The following BCL2L14 variants were observed in gnomAD, a reference collection of about 807,000 sequenced individuals.
BCL2L14 encodes the protein BCL2 like 14.
A neutral mutation model predicts 35.3 loss-of-function variants in BCL2L14; 27 were observed. The observed-to-expected ratio is 0.76, with a 90% CI of 0.56 to 1.05. The LOEUF (loss-of-function observed/expected upper bound fraction) is 1.05, where lower values mean the gene tolerates loss of function less well. Among genes scored for constraint, BCL2L14 ranks in the 50% least tolerant of loss-of-function variants. The probability of loss-of-function intolerance (pLI) is 0.00; values close to 1 mark genes in which losing one functional copy is unlikely to be tolerated. For synonymous variants in BCL2L14, 139 were observed against 145.9 expected, an observed-to-expected ratio of 0.95 and a Z score of 0.34; for missense variants, 377 against 382.6, an observed-to-expected ratio of 0.99 and a Z score of 0.12.
At chr12:12,062,525 A>C (rs926372330) in intron 2 of BCL2L14, among the ~76,000 whole-genome samples, 1 of 151,548 alleles carries the variant, frequency 6.6e-6, no homozygotes, top group African/African-American at 2.4e-5. Flanking sequence ...CTGCTATTCT[A>C]CTACTCCTCA....
chr12:12,068,288 T>A, upstream of BCL2L14: 1 of 397,704 alleles, frequency 2.5e-6, no homozygotes, highest in Non-Finnish European at 4.4e-6. Flanking sequence ...CAAACATTGT[T>A]TAGTTATGTA....
At chr12:12,062,021 A>T (rs1411577812) in intron 2 of BCL2L14, among the ~76,000 whole-genome samples, 1 of 152,094 alleles carries the variant, frequency 6.6e-6, no homozygotes, top group Non-Finnish European at 1.5e-5. Context: ...CCTAGCCCTC[A>T]TGTCTCCGTG....
At chr12:12,061,380 A>G (rs2448043) in intron 2 of BCL2L14, among the ~76,000 whole-genome samples, 148,268 of 151,192 alleles carry the variant, frequency 0.98, 72,772 homozygotes, top group Non-Finnish European at 1. Flanking sequence ...CCAAGATCCC[A>G]TCCCACAGCA....
At chr12:12,095,260 C>T (rs915178457) in intron 5 of BCL2L14, 37 of 985,192 alleles carry the variant, frequency 3.8e-5, no homozygotes, top group African/African-American at 7.0e-5. Flanking sequence ...TTGCAGGCAA[C>T]GGAAGTCTGG....
intron 2 of BCL2L14, among the ~76,000 whole-genome samples, chr12:12,084,672 C>A (rs1271529478): frequency 6.6e-6 from 1 of 152,066 alleles, no homozygotes; most frequent in Non-Finnish European, 1.5e-5. Flanking sequence ...ATAATCTTTT[C>A]TTTTTCATGT....
intron 2 of BCL2L14, among the ~76,000 whole-genome samples, chr12:12,086,593 T>A (rs1473769631): frequency 6.6e-6 from 1 of 152,274 alleles, no homozygotes; most frequent in Non-Finnish European, 1.5e-5. Context: ...CCGTAAGTTG[T>A]GCTGACTGCA....
chr12:12,094,588 T>C (rs4763779), intron 4 of BCL2L14, 76 bp from the exon 5 acceptor site: 1 of 1,614,122 alleles, frequency 6.2e-7, no homozygotes, highest in Non-Finnish European at 8.5e-7. Context: ...TGGCCTGCAT[T>C]TGAGCTAAAG....
chr12:12,056,519 C>T (rs995004802), intron 2 of BCL2L14, among the ~76,000 whole-genome samples: 9 of 152,164 alleles, frequency 5.9e-5, no homozygotes, highest in Non-Finnish European at 1.2e-4. Flanking sequence ...CTGTAAATAA[C>T]TGAGCCATTG....
intron 1 of BCL2L14, among the ~76,000 whole-genome samples, chr12:12,075,717 C>G (rs138805036): frequency 0.016 from 2,503 of 152,196 alleles, 36 homozygotes; most frequent in African/African-American, 0.022. Context: ...GAGCCATCGT[C>G]CCCTGCCGGA....
chr12:12,074,559 C>T (rs1286842847), intron 1 of BCL2L14, among the ~76,000 whole-genome samples: 4 of 103,694 alleles, frequency 3.9e-5, no homozygotes, highest in Non-Finnish European at 8.8e-5. Context: ...CAGCCTCAGC[C>T]TCCCAAGTAG....
intron 2 of BCL2L14, among the ~76,000 whole-genome samples, chr12:12,060,882 GT>G: frequency 1.2e-5 from 1 of 83,426 alleles, no homozygotes; most frequent in East Asian, 4.7e-4. Context: ...AGCTTCGGAA[GT>G]CCCGTAGACC....
At chr12:12,063,400 G>C (rs2618365) in intron 2 of BCL2L14, among the ~76,000 whole-genome samples, 1 of 147,010 alleles carries the variant, frequency 6.8e-6, no homozygotes, top group East Asian at 2.0e-4. Flanking sequence ...TTCTTATTCC[G>C]TTTAGTTTTT....
intron 2 of BCL2L14, among the ~76,000 whole-genome samples, chr12:12,052,881 T>C (rs1049547226): frequency 1.3e-5 from 2 of 152,234 alleles, no homozygotes; most frequent in Admixed American, 1.3e-4. Flanking sequence ...CATTCCAACT[T>C]AGGCCAAAGC....
At chr12:12,066,142 T>A (rs945168453), upstream of BCL2L14, among the ~76,000 whole-genome samples, 2 of 152,164 alleles carry the variant, frequency 1.3e-5, no homozygotes, top group Non-Finnish European at 2.9e-5. Flanking sequence ...CTCAAAATGA[T>A]CTTAAGGTTA....
At chr12:12,083,112 C>T (rs1948963940) in intron 2 of BCL2L14, among the ~76,000 whole-genome samples, 1 of 152,056 alleles carries the variant, frequency 6.6e-6, no homozygotes, top group South Asian at 2.1e-4. Flanking sequence ...CTACGGGCGC[C>T]CACCACCACG....
In BCL2L14 at chr12:12,079,620, G is replaced by A. The variant is rs138260830; in HGVS notation, c.315G>A (p.Ser105=). The change falls in exon 2 of 6, where the codon TCG becomes TCA. Residue 105 remains serine (S), a synonymous_variant. Coordinates refer to ENST00000308721, the MANE Select transcript of BCL2L14 (RefSeq NM_138723.2). ...TTGGAGTAGTGGAGAAGGAAGATTC[G>A]CAGAGCACGCCTGCCAAGGTCTCTG... is the stretch of plus-strand genomic sequence containing the variant. ...AFFGVVEKED[S]QSTPAKVSAQ... The A allele has an allele frequency of 1.1e-4, 175 of 1,614,184 alleles. No individual in the cohort carries two copies. The African/African-American group carries it at 1.5e-3, about 14-fold the overall frequency.
Position 12,087,285 on chromosome 12 carries a change from C to A in BCL2L14, c.506C>A (p.Ala169Glu). ...EIVYSWPPPQ[A>E]TQAGGFKSKE... ...GTTTACTCCTGGCCACCACCACAAG[C>A]GACCCAGGCAGGAGGCTTCAAGTCC... The change falls in exon 3 of 6, where the codon GCG becomes GAG. Residue 169 changes from alanine to glutamate, a missense_variant. Coordinates refer to ENST00000308721, the MANE Select transcript of BCL2L14 (RefSeq NM_138723.2). The A allele has an allele frequency of 3.1e-6, 5 of 1,614,114 alleles. No individual in the cohort carries two copies. The highest frequency in any genetic ancestry group is 4.2e-6 in the Non-Finnish European group (5 of 1,179,988).
chr12:12,057,256 T>C (rs192962251), intron 2 of BCL2L14, among the ~76,000 whole-genome samples: 89 of 152,338 alleles, frequency 5.8e-4, no homozygotes, highest in Non-Finnish European at 1.1e-3. Context: ...TGCATTACGA[T>C]CAGTTTTCTA....
chr12:12,053,482 G>A (rs1044891106), intron 2 of BCL2L14, among the ~76,000 whole-genome samples: 12 of 151,394 alleles, frequency 7.9e-5, no homozygotes, highest in South Asian at 2.1e-4. Flanking sequence ...GTGCAATGGC[G>A]CAATCTCAGC....
Sources: allele counts gnomAD v4.1 joint callset (sites outside exome capture counted in the v4.1 genomes callset), GRCh38; gene constraint gnomAD v4.1.1; transcripts MANE v1.5; gene names NCBI Gene and HGNC (gene_info 2026-07-23, HGNC 2026-07-21).